Variants in NOS1AP observed in about 807,000 individuals in gnomAD.
The protein encoded by NOS1AP is nitric oxide synthase 1 adaptor protein, also known as carboxyl-terminal PDZ ligand of neuronal nitric oxide synthase protein.
A neutral mutation model predicts 56.2 loss-of-function variants in NOS1AP; 21 were observed. The ratio of observed to expected loss-of-function variants is 0.37; its 90% confidence interval spans 0.26 to 0.54. The LOEUF (loss-of-function observed/expected upper bound fraction) is 0.54, where lower values mean the gene tolerates loss of function less well. Among genes scored for constraint, NOS1AP ranks in the 20% least tolerant of loss-of-function variants. NOS1AP has a pLI of 0.84. For missense variants in NOS1AP, 522 were observed against 657.8 expected (o/e 0.79, Z 2.26); for synonymous variants, 270 against 274.6 (o/e 0.98, Z 0.17).
At chr1:162,246,792 G>C (rs1336421735) in intron 2 of NOS1AP, among the ~76,000 whole-genome samples, 1 of 152,072 alleles carries the variant, frequency 6.6e-6, no homozygotes, top group Non-Finnish European at 1.5e-5. Flanking sequence ...TCTGTGCTGT[G>C]GGGGTGTTGA....
At chr1:162,338,598 C>T (rs1557883870) in intron 5 of NOS1AP, 1 of 152,154 alleles carries the variant, frequency 6.6e-6, no homozygotes, top group Non-Finnish European at 1.5e-5. Flanking sequence ...ATAGGACCAA[C>T]CAACTACAAA....
chr1:162,105,905 A>G (rs773630230), intron 1 of NOS1AP, among the ~76,000 whole-genome samples: 8 of 152,200 alleles, frequency 5.3e-5, no homozygotes, highest in Non-Finnish European at 7.3e-5. Context: ...TGGTGCTGTG[A>G]AAGTGGGGCC....
At chr1:162,191,139 C>G (rs917448558) in intron 2 of NOS1AP, among the ~76,000 whole-genome samples, 2 of 152,164 alleles carry the variant, frequency 1.3e-5, no homozygotes, top group African/African-American at 4.8e-5. Flanking sequence ...CTTGCCCGTC[C>G]ATATCAGCCT....
chr1:162,316,008 T>C (rs1427444253), intron 4 of NOS1AP, among the ~76,000 whole-genome samples: 16 of 152,206 alleles, frequency 1.1e-4, no homozygotes, highest in Admixed American at 6.5e-5. Context: ...GCTCAATACG[T>C]ATTTATTCCA....
Position 162,275,229 on chromosome 1 carries a change from G to A in NOS1AP, c.178-12115G>A, listed in dbSNP as rs143292380. On this transcript the variant is annotated intron_variant, in intron 2 of 9. Transcript: ENST00000361897. ...GAGTCTCACTCTGTCACCCAGGCTG[G>A]AGTGCAGTTGTACGATCTTGGCTCT... Among the ~76,000 whole-genome samples the A allele has an allele frequency of 4.3e-3, 656 of 152,204 alleles. 5 individuals carry two copies. Among genetic ancestry groups the A allele is most frequent in the Non-Finnish European group, 7.2e-3 (488 of 68,008 alleles).
chr1:162,250,037 A>G (rs1030024231), intron 2 of NOS1AP, among the ~76,000 whole-genome samples: 1 of 152,184 alleles, frequency 6.6e-6, no homozygotes, highest in Non-Finnish European at 1.5e-5. Flanking sequence ...GTCAAATCCC[A>G]TGCCCTGTCT....
At position 162,147,772 on chromosome 1, in the gene NOS1AP, C is replaced by G. The variant is rs74864269; in HGVS notation, c.106-6633C>G. Among the ~76,000 whole-genome samples the G allele has an allele frequency of 5.9e-4, 90 of 152,288 alleles. 1 individual carries two copies. The East Asian group carries it at 0.017, about 29-fold the overall frequency. Reference sequence around the variant, plus strand: ...TAATCCCATATCTTGATTACCTATACAGTTTGCATCTTCTGTATAGTTTTT... The same window carrying G: ...TAATCCCATATCTTGATTACCTATAGAGTTTGCATCTTCTGTATAGTTTTT... On this transcript the variant is annotated intron_variant, in intron 1 of 9. Transcript: ENST00000361897.
chr1:162,184,839 G>A (rs1456815152), intron 2 of NOS1AP, among the ~76,000 whole-genome samples: 1 of 152,198 alleles, frequency 6.6e-6, no homozygotes, highest in Non-Finnish European at 1.5e-5. Context: ...GATTTCAGCT[G>A]TTGAATAATC....
chr1:162,126,642 T>A (rs1648502834), intron 1 of NOS1AP, among the ~76,000 whole-genome samples: 1 of 152,196 alleles, frequency 6.6e-6, no homozygotes, highest in Non-Finnish European at 1.5e-5. Flanking sequence ...ATATAGTTTA[T>A]CCTGATGAAT....
At chr1:162,076,473 A>G (rs1254663644) in intron 1 of NOS1AP, among the ~76,000 whole-genome samples, 2 of 152,228 alleles carry the variant, frequency 1.3e-5, no homozygotes, top group African/African-American at 4.8e-5. Flanking sequence ...ATACCATACA[A>G]TTCACTAATT....
intron 2 of NOS1AP, among the ~76,000 whole-genome samples, chr1:162,251,863 T>TG (rs1553199152): frequency 4.0e-5 from 4 of 99,034 alleles, no homozygotes; most frequent in Non-Finnish European, 8.4e-5. Context: ...AGTTGTTTTT[T>TG]TTTTTGTTTT....
intron 2 of NOS1AP, among the ~76,000 whole-genome samples, chr1:162,210,570 G>T (rs1406439643): frequency 1.3e-5 from 2 of 152,158 alleles, no homozygotes; most frequent in Non-Finnish European, 2.9e-5. Flanking sequence ...TGCTTTCCAT[G>T]ACAGCATTTT....
intron 1 of NOS1AP, among the ~76,000 whole-genome samples, chr1:162,100,094 C>A (rs1452583571): frequency 6.6e-6 from 1 of 152,112 alleles, no homozygotes; most frequent in South Asian, 2.1e-4. Context: ...AATAAGCATA[C>A]GTGTGCATGT....
chr1:162,285,845 T>A (rs759175510), intron 2 of NOS1AP, among the ~76,000 whole-genome samples: 2 of 152,150 alleles, frequency 1.3e-5, no homozygotes, highest in Non-Finnish European at 2.9e-5. Context: ...CTGGGAGTGA[T>A]GTAGGTTGTG....
chr1:162,126,419 A>G (rs1164295729), intron 1 of NOS1AP, among the ~76,000 whole-genome samples: 1 of 152,136 alleles, frequency 6.6e-6, no homozygotes, highest in East Asian at 1.9e-4. Context: ...AAGTCACAGA[A>G]ATGATGCCAT....
intron 4 of NOS1AP, among the ~76,000 whole-genome samples, chr1:162,331,270 G>C (rs347301): frequency 0.55 from 83,318 of 151,916 alleles, 24,004 homozygotes; most frequent in Middle Eastern, 0.66. Context: ...TGCTAGCTGA[G>C]TGTAGCAGAG....
intron 2 of NOS1AP, among the ~76,000 whole-genome samples, chr1:162,194,725 A>G (rs1206035893): frequency 6.6e-6 from 1 of 152,164 alleles, no homozygotes; most frequent in Non-Finnish European, 1.5e-5. Flanking sequence ...TGTCTCGCCA[A>G]CAGCCCTTGC....
chr1:162,350,001 G>C (rs151143112), intron 6 of NOS1AP, among the ~76,000 whole-genome samples: 1 of 152,328 alleles, frequency 6.6e-6, no homozygotes, highest in Non-Finnish European at 1.5e-5. Context: ...TAAACTGCTA[G>C]GAATGTGTTT....
chr1:162,314,995 T>C (rs963551469), intron 4 of NOS1AP, among the ~76,000 whole-genome samples: 5 of 152,242 alleles, frequency 3.3e-5, no homozygotes, highest in Non-Finnish European at 7.3e-5. Flanking sequence ...CCAAGAGATA[T>C]TTGCATTTTG....
Sources: allele counts gnomAD v4.1 joint callset (sites outside exome capture counted in the v4.1 genomes callset), GRCh38; gene constraint gnomAD v4.1.1; transcripts MANE v1.5; gene names NCBI Gene and HGNC (gene_info 2026-07-23, HGNC 2026-07-21).